Variants in ETV6 observed in about 807,000 individuals in gnomAD.
The protein encoded by ETV6 is transcription factor ETV6.
A neutral mutation model predicts 51.1 loss-of-function variants in ETV6; 16 were observed. The ratio of observed to expected loss-of-function variants is 0.31; its 90% confidence interval spans 0.21 to 0.48. The LOEUF (loss-of-function observed/expected upper bound fraction) is 0.48. ETV6 is among the 20% of genes least tolerant of loss of function. The probability of loss-of-function intolerance (pLI) is 0.99; values close to 1 mark genes in which losing one functional copy is unlikely to be tolerated. For synonymous variants in ETV6, 240 were observed against 224.1 expected (o/e 1.07, Z -0.64); for missense variants, 458 against 594.8 (o/e 0.77, Z 2.39).
chr12:11,770,987 GCTTTAA>G, intron 2 of ETV6, among the ~76,000 whole-genome samples: 1 of 152,132 alleles, frequency 6.6e-6, no homozygotes, highest in East Asian at 1.9e-4. Flanking sequence ...ATTTTGACAT[GCTTTAA>G]CTTGTGACCA....
rs1385455029 is a variant in ETV6, at chr12:11,891,379, T to G, written c.*333T>G. 2.9e-6 allele frequency: 1 copy of G among 341,778 alleles called. No individual in the cohort carries two copies. The highest frequency in any genetic ancestry group is 4.6e-5 in the Admixed American group (1 of 21,906). 21.2% of individuals were successfully genotyped at this position (341,778 alleles called of 1,614,324 possible). On this transcript the variant is annotated 3_prime_UTR_variant, in exon 8 of 8. Transcript: ENST00000396373. ...GGTGTTTTTGTTTTTGTTTTTGTTT[T>G]AAGAACCTGCAGTTTGACTCTTCAT...
At chr12:11,675,507 T>G (rs1046934341) in intron 1 of ETV6, among the ~76,000 whole-genome samples, 3 of 152,180 alleles carry the variant, frequency 2.0e-5, no homozygotes, top group Non-Finnish European at 4.4e-5. Flanking sequence ...AGGCATAGGT[T>G]TTTTTTCCTC....
chr12:11,700,042 C>T (rs1864949456), intron 1 of ETV6, among the ~76,000 whole-genome samples: 1 of 152,070 alleles, frequency 6.6e-6, no homozygotes, highest in South Asian at 2.1e-4. Context: ...GTCATTCTCC[C>T]TAGGATGCCC....
At chr12:11,780,517 A>G (rs1438008872) in intron 2 of ETV6, among the ~76,000 whole-genome samples, 1 of 152,264 alleles carries the variant, frequency 6.6e-6, no homozygotes, top group East Asian at 1.9e-4. Context: ...ATAAGGTAGC[A>G]GAAGCAAAAG....
chr12:11,869,865 A>G lies in ETV6; in HGVS notation c.905A>G (p.Lys302Arg), dbSNP rs372530736. The change falls in exon 5 of 8, where the codon AAG becomes AGG. Residue 302 changes from lysine to arginine, a missense_variant. Lys to Arg is a conservative substitution (Grantham distance 26). Transcript: ENST00000396373. The surrounding 1 kb of genome is among the most constrained non-coding windows in gnomAD (Gnocchi z 5.0). ...LSEDGLHREG[K>R]PINLSHREDL... is the part of the protein sequence containing the mutation. The stretch of plus-strand genomic sequence containing the variant: ...GAGGACGGGCTGCATAGGGAAGGGA[A>G]GCCCATCAACCTCTCTCATCGGGAA... 6.2e-6 allele frequency: 10 copies of G among 1,613,218 alleles called. No individual in the cohort carries two copies. Among genetic ancestry groups the G allele is most frequent in the Non-Finnish European group, 8.5e-6 (10 of 1,180,024 alleles).
rs724159946 is a variant in ETV6, at chr12:11,884,541, G to A, written c.1106G>A (p.Arg369Gln). The change falls in exon 6 of 8, where the codon CGG (arginine) becomes CAG (glutamine). Residue 369 changes from arginine (R) to glutamine (Q), a missense_variant. Arg to Gln is a conservative substitution (Grantham distance 43). Around this residue, in one of 4 missense-constraint regions of ETV6, gnomAD observed 55 missense variants for 151.2 expected, o/e 0.36. Transcript: ENST00000396373. Reference sequence around the variant, plus strand: ...GAGGACAAAGAATCCAAAATATTCCGGATAGTGGATCCCAACGGACTGGCT... The same window carrying A: ...GAGGACAAAGAATCCAAAATATTCCAGATAGTGGATCCCAACGGACTGGCT... ...RWEDKESKIF[R>Q]IVDPNGLARL... is the part of the protein sequence containing the mutation. The A allele has an allele frequency of 1.9e-6, 3 of 1,614,042 alleles. No individual in the cohort carries two copies. The highest frequency in any genetic ancestry group is 1.3e-5 in the African/African-American group (1 of 74,906).
At chr12:11,679,829 T>A (rs1252523994) in intron 1 of ETV6, among the ~76,000 whole-genome samples, 1 of 152,204 alleles carries the variant, frequency 6.6e-6, no homozygotes, top group Non-Finnish European at 1.5e-5. Flanking sequence ...CTAGGAGAGT[T>A]ACCCCATTTC....
At chr12:11,735,637 G>A (rs571775283) in intron 1 of ETV6, among the ~76,000 whole-genome samples, 1 of 152,262 alleles carries the variant, frequency 6.6e-6, no homozygotes, top group South Asian at 2.1e-4. Context: ...TTTCACTCTT[G>A]TTGCCCAGGC....
At chr12:11,744,769 T>TG (rs1487072052) in intron 1 of ETV6, among the ~76,000 whole-genome samples, 1 of 152,194 alleles carries the variant, frequency 6.6e-6, no homozygotes, top group Non-Finnish European at 1.5e-5. Flanking sequence ...TTTGCCTGCG[T>TG]GTACATCCAC....
At chr12:11,686,728 A>G (rs1864636393) in intron 1 of ETV6, among the ~76,000 whole-genome samples, 1 of 152,070 alleles carries the variant, frequency 6.6e-6, no homozygotes, top group South Asian at 2.1e-4. Context: ...GGGTTTCACC[A>G]TTTGGCCAGG....
chr12:11,667,957 C>A (rs947697418), intron 1 of ETV6, among the ~76,000 whole-genome samples: 20 of 152,106 alleles, frequency 1.3e-4, no homozygotes, highest in African/African-American at 4.6e-4. Flanking sequence ...GCTTCGGCCT[C>A]CCAAAGTGCT....
chr12:11,877,044 C>G (rs1451697449), intron 5 of ETV6, among the ~76,000 whole-genome samples: 1 of 152,196 alleles, frequency 6.6e-6, no homozygotes, highest in Non-Finnish European at 1.5e-5. Context: ...TTATTTGTCA[C>G]CCAACTAAAA....
intron 2 of ETV6, among the ~76,000 whole-genome samples, chr12:11,821,894 C>T (rs1203834767): frequency 6.6e-6 from 1 of 152,168 alleles, no homozygotes; most frequent in Non-Finnish European, 1.5e-5. Flanking sequence ...CCCTCACCCC[C>T]ATTTGAACAC....
intron 2 of ETV6, among the ~76,000 whole-genome samples, chr12:11,786,602 C>T (rs977972910): frequency 1.3e-5 from 2 of 152,126 alleles, no homozygotes; most frequent in Non-Finnish European, 2.9e-5. Flanking sequence ...AAGAGGACTG[C>T]GTCAAGAGGC....
intron 2 of ETV6, among the ~76,000 whole-genome samples, chr12:11,779,449 G>T (rs529100067): frequency 6.6e-6 from 1 of 152,184 alleles, no homozygotes; most frequent in East Asian, 1.9e-4. Context: ...AATCATTCAC[G>T]TCAAGAAAGG....
At chr12:11,804,150 A>T (rs1020509248) in intron 2 of ETV6, among the ~76,000 whole-genome samples, 5 of 152,172 alleles carry the variant, frequency 3.3e-5, no homozygotes, top group African/African-American at 1.2e-4. Flanking sequence ...GGGATATATC[A>T]GTGACCAAAA....
At chr12:11,684,881 CA>C (rs1424449715) in intron 1 of ETV6, among the ~76,000 whole-genome samples, 6 of 152,124 alleles carry the variant, frequency 3.9e-5, no homozygotes, top group Non-Finnish European at 2.9e-5. Context: ...CGTGAGGAAA[CA>C]GACAAAATGT....
At chr12:11,665,211 C>G (rs1864172731) in intron 1 of ETV6, among the ~76,000 whole-genome samples, 1 of 152,128 alleles carries the variant, frequency 6.6e-6, no homozygotes, top group Admixed American at 6.5e-5. Flanking sequence ...TTTCACCAGG[C>G]TGGTCTCAAA....
chr12:11,878,521 C>T (rs1020458033), intron 5 of ETV6, among the ~76,000 whole-genome samples: 8 of 152,178 alleles, frequency 5.3e-5, no homozygotes, highest in Middle Eastern at 6.8e-3. Context: ...TTTCGGATAC[C>T]GGTGTTTCCA....
Sources: gnomAD v4.1 joint callset for allele counts (sites outside exome capture counted in the v4.1 genomes callset) on GRCh38, gnomAD v4.1.1 for gene constraint, gnomAD v4.1.1 regional missense constraint, Gnocchi (gnomAD v3.1) non-coding constraint, MANE v1.5 for transcripts, NCBI Gene and HGNC (gene_info 2026-07-23, HGNC 2026-07-21) for gene names.